Variants in SLC25A48 observed in about 807,000 individuals in gnomAD.
The protein encoded by SLC25A48 is CTC-321K16.1.
In SLC25A48, 29 loss-of-function variants were observed where a neutral mutation model predicts 32.2. That is an observed-to-expected ratio of 0.90 (90% CI 0.67 to 1.23). The LOEUF (loss-of-function observed/expected upper bound fraction) is 1.23, where lower values mean the gene tolerates loss of function less well. Among genes scored for constraint, SLC25A48 ranks in the 50% most tolerant of loss-of-function variants. The pLI is 0.00. For synonymous variants in SLC25A48, 164 were observed against 172.3 expected, an observed-to-expected ratio of 0.95 and a Z score of 0.38; for missense variants, 399 against 422.7, an observed-to-expected ratio of 0.94 and a Z score of 0.49.
intron 3 of SLC25A48, among the ~76,000 whole-genome samples, chr5:135,729,694 C>T (rs1373691606): frequency 6.6e-6 from 1 of 152,152 alleles, no homozygotes; most frequent in Admixed American, 6.6e-5. Context: ...TTGTGGATAG[C>T]TCAGAAAGTT....
chr5:135,744,701 C>T (rs944996585), intron 3 of SLC25A48, among the ~76,000 whole-genome samples: 7 of 152,104 alleles, frequency 4.6e-5, no homozygotes, highest in Admixed American at 6.5e-5. Context: ...ATGGTCACAC[C>T]ACATGGACCC....
chr5:135,594,085 C>G (rs1198657108), intron 1 of SLC25A48, among the ~76,000 whole-genome samples: 1 of 152,180 alleles, frequency 6.6e-6, no homozygotes, highest in Admixed American at 6.5e-5. Flanking sequence ...GAACACAAGG[C>G]TTAGTCAGGA....
chr5:135,797,796 C>G (rs1248867364), intron 3 of SLC25A48, among the ~76,000 whole-genome samples: 2 of 151,678 alleles, frequency 1.3e-5, no homozygotes, highest in Non-Finnish European at 2.9e-5. Flanking sequence ...GGGATGTACA[C>G]CAGCCCTGTG....
chr5:135,809,513 A>G (rs1757547025), intron 3 of SLC25A48, among the ~76,000 whole-genome samples: 2 of 152,192 alleles, frequency 1.3e-5, no homozygotes. Context: ...ATTGATGTAC[A>G]GTAAAATTTA....
chr5:135,595,559 C>T (rs148608934), intron 1 of SLC25A48, among the ~76,000 whole-genome samples: 1 of 152,290 alleles, frequency 6.6e-6, no homozygotes, highest in East Asian at 1.9e-4. Flanking sequence ...GCTGGGTAGA[C>T]ATAACATTCA....
chr5:135,678,600 T>C (rs1753823374), intron 3 of SLC25A48, among the ~76,000 whole-genome samples: 1 of 152,206 alleles, frequency 6.6e-6, no homozygotes, highest in African/African-American at 2.4e-5. Flanking sequence ...CTTTTTTTCA[T>C]GTTGCCTGTG....
chr5:135,771,180 A>T (rs766856674), intron 3 of SLC25A48, among the ~76,000 whole-genome samples: 1 of 151,416 alleles, frequency 6.6e-6, no homozygotes, highest in Admixed American at 6.6e-5. Context: ...CGGGTGGTGT[A>T]CACCCCCCTG....
chr5:135,773,457 C>T (rs1756468030), intron 3 of SLC25A48, among the ~76,000 whole-genome samples: 2 of 150,898 alleles, frequency 1.3e-5, no homozygotes, highest in African/African-American at 4.9e-5. Context: ...GTACACCCTC[C>T]TGTGATATTG....
chr5:135,730,932 A>ATAAAC (rs1237026851), intron 3 of SLC25A48, among the ~76,000 whole-genome samples: 1 of 152,226 alleles, frequency 6.6e-6, no homozygotes, highest in African/African-American at 2.4e-5. Context: ...GAGCTGGGAC[A>ATAAAC]TAAACTGAGA....
intron 1 of SLC25A48, among the ~76,000 whole-genome samples, chr5:135,604,975 G>A (rs1751899356): frequency 6.6e-6 from 1 of 152,182 alleles, no homozygotes; most frequent in Non-Finnish European, 1.5e-5. Flanking sequence ...ACTTAAAACA[G>A]TTTCTGGTGC....
intron 3 of SLC25A48, among the ~76,000 whole-genome samples, chr5:135,796,572 C>T (rs1757186244): frequency 1.4e-5 from 2 of 146,782 alleles, no homozygotes; most frequent in South Asian, 2.2e-4. Flanking sequence ...ATAATATCCA[C>T]AGGGGGAGAG....
At chr5:135,585,331 G>A (rs931258156) in intron 1 of SLC25A48, among the ~76,000 whole-genome samples, 4 of 152,186 alleles carry the variant, frequency 2.6e-5, no homozygotes, top group African/African-American at 9.7e-5. Flanking sequence ...GTTTGCTTTC[G>A]TTTGCCTTCC....
chr5:135,756,603 G>A (rs1254492987), intron 3 of SLC25A48, among the ~76,000 whole-genome samples: 4 of 152,082 alleles, frequency 2.6e-5, no homozygotes, highest in Admixed American at 1.3e-4. Flanking sequence ...CCCAGGAGGC[G>A]AAGGTTGCAG....
intron 3 of SLC25A48, among the ~76,000 whole-genome samples, chr5:135,793,586 A>G (rs1386624823): frequency 2.6e-5 from 4 of 151,838 alleles, no homozygotes; most frequent in African/African-American, 9.7e-5. Flanking sequence ...GGTTTACACC[A>G]TGTGTGTATA....
At chr5:135,708,352 G>C (rs1386052420) in intron 3 of SLC25A48, among the ~76,000 whole-genome samples, 4 of 152,150 alleles carry the variant, frequency 2.6e-5, no homozygotes, top group Non-Finnish European at 5.9e-5. Context: ...CATGTAGAGA[G>C]CTCAGAAATA....
At chr5:135,665,074 A>G (rs1173804239) in intron 3 of SLC25A48, among the ~76,000 whole-genome samples, 2 of 152,176 alleles carry the variant, frequency 1.3e-5, no homozygotes, top group African/African-American at 4.8e-5. Context: ...TACCACATCC[A>G]TGCCAACATC....
intron 4 of SLC25A48, among the ~76,000 whole-genome samples, chr5:135,870,227 G>A (rs1017075106): frequency 1.6e-4 from 25 of 152,132 alleles, no homozygotes; most frequent in African/African-American, 5.6e-4. Context: ...GCTTGTGGTC[G>A]CAGACACACT....
intron 3 of SLC25A48, among the ~76,000 whole-genome samples, chr5:135,684,636 G>A (rs1753974990): frequency 6.6e-6 from 1 of 152,194 alleles, no homozygotes; most frequent in African/African-American, 2.4e-5. Context: ...TTAACTGTCA[G>A]CCACCAACAC....
chr5:135,612,474 TTCTA>T (rs1234321335), intron 1 of SLC25A48, among the ~76,000 whole-genome samples: 3 of 152,214 alleles, frequency 2.0e-5, no homozygotes, highest in Non-Finnish European at 4.4e-5. Context: ...AACTTATAAC[TTCTA>T]TCTATCTGTA....
Sources: gnomAD v4.1 joint callset for allele counts (sites outside exome capture counted in the v4.1 genomes callset) on GRCh38, gnomAD v4.1.1 for gene constraint, MANE v1.5 for transcripts, NCBI Gene and HGNC (gene_info 2026-07-23, HGNC 2026-07-21) for gene names.